PUM1: variants seen among roughly 807,000 people sequenced by gnomAD.
PUM1 encodes the protein pumilio RNA binding family member 1, also known as pumilio homolog 1.
Under a neutral mutation model 131.8 loss-of-function variants are expected in PUM1, and 13 were observed. The ratio of observed to expected loss-of-function variants is 0.10; its 90% CI spans 0.06 to 0.16. The LOEUF (loss-of-function observed/expected upper bound fraction) is 0.16, where lower values mean the gene tolerates loss of function less well. Among genes scored for constraint, PUM1 ranks in the 10% least tolerant of loss-of-function variants. PUM1 has a pLI of 1.00. For missense variants in PUM1, 961 were observed against 1,512.4 expected (o/e 0.64, Z 6.05); for synonymous variants, 509 against 556.5 (o/e 0.91, Z 1.20).
chr1:30,980,891 T>C (rs1384364666), intron 8 of PUM1, among the ~76,000 whole-genome samples: 1 of 152,194 alleles, frequency 6.6e-6, no homozygotes, highest in Non-Finnish European at 1.5e-5. Flanking sequence ...TATATGAGAA[T>C]ACTTTTAAAT....
At chr1:31,038,118 C>A (rs1343702249) in intron 2 of PUM1, among the ~76,000 whole-genome samples, 3 of 149,398 alleles carry the variant, frequency 2.0e-5, no homozygotes, top group African/African-American at 7.4e-5. Context: ...AATACTTCAA[C>A]TGCTAAAGAA....
chr1:31,005,570 G>A (rs139798446), intron 5 of PUM1, among the ~76,000 whole-genome samples: 78 of 152,022 alleles, frequency 5.1e-4, no homozygotes, highest in African/African-American at 1.8e-3. Context: ...TTTTCTGATA[G>A]ACCAATGAAC....
chr1:31,010,975 C>T (rs11587257), intron 3 of PUM1, among the ~76,000 whole-genome samples: 3 of 152,048 alleles, frequency 2.0e-5, no homozygotes, highest in South Asian at 2.1e-4. Context: ...ACCAACATAG[C>T]GAGACTCTAG....
intron 7 of PUM1, among the ~76,000 whole-genome samples, chr1:30,982,976 A>G (rs1346604571): frequency 2.6e-5 from 4 of 152,222 alleles, no homozygotes; most frequent in Non-Finnish European, 5.9e-5. Flanking sequence ...GAAAAACTTC[A>G]CTGCGATGCT....
In PUM1 at chr1:30,972,541, A is replaced by AG. The variant is rs946173340; in HGVS notation, c.1506+2109dup. ...GCAATCCCAGCACTTTGGGAGGCCG[A>AG]GGGGGGTGGATCACTGAAGGTCAAG... is the stretch of plus-strand genomic sequence containing the variant. On this transcript the variant is annotated intron_variant, in intron 10 of 21. Transcript: ENST00000426105. Among the ~76,000 whole-genome samples, 9 of 148,396 alleles carry AG rather than the reference A, an allele frequency of 6.1e-5. No individual in the cohort carries two copies. The East Asian group carries it at 1.0e-3, about 17-fold the overall frequency.
chr1:30,969,052 C>T (rs1270058593), intron 10 of PUM1, among the ~76,000 whole-genome samples: 1 of 151,990 alleles, frequency 6.6e-6, no homozygotes, highest in Non-Finnish European at 1.5e-5. Flanking sequence ...GCCTGTAATC[C>T]TAGCACTTTG....
At chr1:31,004,100 C>T (rs72657300) in intron 5 of PUM1, among the ~76,000 whole-genome samples, 3,333 of 152,236 alleles carry the variant, frequency 0.022, 69 homozygotes, top group Non-Finnish European at 0.029. Flanking sequence ...TCCTCTGTCA[C>T]GATTCTTTTG....
chr1:31,020,858 C>T (rs1642994472), intron 3 of PUM1, among the ~76,000 whole-genome samples: 1 of 152,140 alleles, frequency 6.6e-6, no homozygotes. Context: ...CATCATGCAC[C>T]AATTAATCAA....
intron 2 of PUM1, chr1:31,036,700 T>C (rs535329452): frequency 6.6e-6 from 1 of 152,666 alleles, no homozygotes; most frequent in South Asian, 2.1e-4. Flanking sequence ...TTTTGAAGAA[T>C]GCTATGAAGT....
intron 3 of PUM1, among the ~76,000 whole-genome samples, chr1:31,023,963 A>C (rs1643130362): frequency 6.6e-6 from 1 of 151,842 alleles, no homozygotes; most frequent in Admixed American, 6.6e-5. Flanking sequence ...AAAGTTACAA[A>C]ATCTCTAAAT....
intron 3 of PUM1, among the ~76,000 whole-genome samples, chr1:31,011,162 A>AATAC (rs1642599997): frequency 3.4e-5 from 2 of 59,320 alleles, no homozygotes; most frequent in South Asian, 6.3e-4. Context: ...TATCTCTTAA[A>AATAC]ATACACACAC....
At chr1:30,952,845 T>C (rs1640003977) in intron 15 of PUM1, among the ~76,000 whole-genome samples, 1 of 151,882 alleles carries the variant, frequency 6.6e-6, no homozygotes, top group Non-Finnish European at 1.5e-5. Context: ...TATTTTCATA[T>C]AAAACAGTAC....
intron 2 of PUM1, among the ~76,000 whole-genome samples, chr1:31,040,334 T>C (rs942700755): frequency 1.3e-4 from 20 of 152,284 alleles, no homozygotes; most frequent in African/African-American, 4.1e-4. Flanking sequence ...CATACAATAG[T>C]GGCATCAAAG....
At chr1:30,984,764 A>G (rs1048105559) in intron 7 of PUM1, among the ~76,000 whole-genome samples, 33 of 152,248 alleles carry the variant, frequency 2.2e-4, no homozygotes, top group African/African-American at 7.7e-4. Context: ...AGTGACTGAC[A>G]TGTAGTTGGC....
intron 2 of PUM1, among the ~76,000 whole-genome samples, chr1:31,040,259 T>C (rs1166904387): frequency 6.6e-6 from 1 of 152,050 alleles, no homozygotes; most frequent in Admixed American, 6.6e-5. Context: ...GCACCGGATG[T>C]TAAGGGAAAA....
chr1:31,031,215 C>G (rs1643417971), intron 2 of PUM1, among the ~76,000 whole-genome samples: 1 of 152,130 alleles, frequency 6.6e-6, no homozygotes, highest in Non-Finnish European at 1.5e-5. Context: ...GCATGTAAAT[C>G]AAATGCACAA....
chr1:31,010,170 G>T (rs373361057), intron 3 of PUM1, among the ~76,000 whole-genome samples: 2 of 152,108 alleles, frequency 1.3e-5, no homozygotes, highest in Admixed American at 1.3e-4. Context: ...AAAGACAGAA[G>T]CAAAATTAGC....
chr1:31,038,150 G>GGATACCTTTTATTACAGAAGAAAA (rs2124563629), intron 2 of PUM1, among the ~76,000 whole-genome samples: 2 of 151,888 alleles, frequency 1.3e-5, no homozygotes, highest in Admixed American at 6.6e-5. Flanking sequence ...GGCCAAATGG[G>GGATACCTTTTATTACAGAAGAAAA]TGGATACCTT....
intron 5 of PUM1, among the ~76,000 whole-genome samples, chr1:30,999,846 TG>T (rs1329103295): frequency 6.6e-6 from 1 of 152,202 alleles, no homozygotes; most frequent in Non-Finnish European, 1.5e-5. Flanking sequence ...CGCACTGGGA[TG>T]GTGTTTCTTT....
Sources: allele counts gnomAD v4.1 joint callset (sites outside exome capture counted in the v4.1 genomes callset), GRCh38; gene constraint gnomAD v4.1.1; transcripts MANE v1.5; gene names NCBI Gene and HGNC (gene_info 2026-07-23, HGNC 2026-07-21).